The following C11orf42 variants were observed in gnomAD, a reference collection of about 807,000 sequenced individuals.
C11orf42 encodes uncharacterized protein C11orf42.
A neutral mutation model predicts 27.9 loss-of-function variants in C11orf42; 24 were observed. That is an observed-to-expected ratio of 0.86 (90% CI 0.62 to 1.21). The LOEUF (loss-of-function observed/expected upper bound fraction) is 1.21, where lower values mean the gene tolerates loss of function less well. C11orf42 is among the 50% of genes most tolerant of loss of function. The pLI is 0.00. For synonymous variants in C11orf42, 187 were observed against 180.8 expected (o/e 1.03, Z -0.28); for missense variants, 455 against 424.1 (o/e 1.07, Z -0.64).
Position 6,209,980 on chromosome 11 carries a change from G to C in C11orf42, c.203G>C (p.Arg68Pro). Residue 68 changes from arginine to proline, a missense_variant, in exon 2 of 3, where the codon CGG becomes CCG. Physicochemically the swap from Arg to Pro is moderately radical, Grantham distance 103. Transcript: ENST00000316375. The stretch of plus-strand genomic sequence containing the variant: ...CATACCCGCCTGGCTTTGCCAGGTC[G>C]GCAGGGCCGGAGGGCACTGAAACCA... The part of the protein sequence containing the change: ...PAHTRLALPG[R>P]QGRRALKPVG... 6.2e-7 allele frequency: 1 copy of C among 1,613,638 alleles called. No homozygotes were observed.
intron 1 of C11orf42, among the ~76,000 whole-genome samples, chr11:6,207,279 G>A (rs1846989568): frequency 6.6e-6 from 1 of 152,188 alleles, no homozygotes; most frequent in Non-Finnish European, 1.5e-5. Flanking sequence ...GTTAAGGAGG[G>A]TTAGAATTAG....
chr11:6,210,355 T>C lies in C11orf42; in HGVS notation c.578T>C (p.Val193Ala), dbSNP rs367734263. Residue 193 changes from valine to alanine, a missense_variant, in exon 2 of 3, where the codon GTT becomes GCT. By Grantham distance (64) the Val-to-Ala change is moderately conservative. Transcript: ENST00000316375. This position sits in a 1 kb window ranked among gnomAD's most constrained non-coding sequence, Gnocchi z 4.0. ...CTCCGGCTACTTCGGTCATTACCTG[T>C]TGCCTTCTCCTGCCTCAAGTTTTCA... Reference protein sequence around the residue: ...QLLRLLRSLPVAFSCLKFSLQ... With the variant: ...QLLRLLRSLPAAFSCLKFSLQ... 6.2e-6 allele frequency: 10 copies of C among 1,614,080 alleles called. No individual in the cohort carries two copies. The highest frequency in any genetic ancestry group is 8.5e-6 in the Non-Finnish European group (10 of 1,180,042).
At position 6,210,678 on chromosome 11, in the gene C11orf42, G is replaced by C. The variant is rs1847046126; in HGVS notation, c.871+30G>C. 9 of 1,602,786 alleles carry C rather than the reference G, an allele frequency of 5.6e-6. No homozygotes were observed. The highest frequency in any genetic ancestry group is 7.7e-6 in the Non-Finnish European group (9 of 1,172,450). On this transcript the variant is annotated intron_variant, in intron 2 of 2. Transcript: ENST00000316375. The surrounding 1 kb of genome is among the most constrained non-coding windows in gnomAD (Gnocchi z 4.0). Reference sequence around the variant, plus strand: ...TACTAGGGGAAATGATGATGAGATGGATGGGAGGGACAAAGTGAAGGAGGG... The same window carrying C: ...TACTAGGGGAAATGATGATGAGATGCATGGGAGGGACAAAGTGAAGGAGGG...
At chr11:6,208,776 A>G (rs1191650720) in intron 1 of C11orf42, among the ~76,000 whole-genome samples, 1 of 152,114 alleles carries the variant, frequency 6.6e-6, no homozygotes, top group Admixed American at 6.5e-5. Context: ...TACTAATTCT[A>G]TAACCTAAAT....
In C11orf42 at chr11:6,210,113, G is replaced by C; in HGVS notation, c.336G>C (p.Glu112Asp). The C allele has an allele frequency of 6.2e-7, 1 of 1,614,218 alleles. No individual in the cohort carries two copies. Among genetic ancestry groups the C allele is most frequent in the Non-Finnish European group, 8.5e-7 (1 of 1,180,046 alleles). Residue 112 changes from glutamate to aspartate, a missense_variant, in exon 2 of 3, where the codon GAG (glutamate) becomes GAC (aspartate). Transcript: ENST00000316375. The surrounding 1 kb of genome is among the most constrained non-coding windows in gnomAD (Gnocchi z 4.0). ...GCCGAGCAGAGAGAGCCTATGAAGAGACGCGAATGTTGGATGGACAGCCCT... is the reference window on the plus strand; with the variant it reads ...GCCGAGCAGAGAGAGCCTATGAAGACACGCGAATGTTGGATGGACAGCCCT... ...PNGRAERAYE[E>D]TRMLDGQPCK...
rs1160911619 is a variant in C11orf42, at chr11:6,210,368, C to T, written c.591C>T (p.Cys197=). ...LLRSLPVAFS[C]LKFSLQSKGV... Reference sequence around the variant, plus strand: ...GGTCATTACCTGTTGCCTTCTCCTGCCTCAAGTTTTCACTGCAGTCTAAGG... The same window carrying T: ...GGTCATTACCTGTTGCCTTCTCCTGTCTCAAGTTTTCACTGCAGTCTAAGG... Residue 197 remains cysteine (C), a synonymous_variant, in exon 2 of 3, where the codon TGC becomes TGT. Coordinates refer to ENST00000316375, the MANE Select transcript of C11orf42 (RefSeq NM_173525.3). The surrounding 1 kb of genome is among the most constrained non-coding windows in gnomAD (Gnocchi z 4.0). 6.2e-7 allele frequency: 1 copy of T among 1,614,214 alleles called. No homozygotes were observed. The highest frequency in any genetic ancestry group is 1.1e-5 in the South Asian group (1 of 91,084).
chr11:6,207,405 A>T (rs1846991164), intron 1 of C11orf42, among the ~76,000 whole-genome samples: 1 of 152,190 alleles, frequency 6.6e-6, no homozygotes, highest in African/African-American at 2.4e-5. Context: ...AGATATATTA[A>T]ATGTCACACT....
intron 1 of C11orf42, among the ~76,000 whole-genome samples, chr11:6,208,263 CATT>C (rs1847002060): frequency 6.6e-6 from 1 of 152,024 alleles, no homozygotes; most frequent in South Asian, 2.1e-4. Context: ...CCGTAACTAA[CATT>C]ATAAAGATGA....
chr11:6,208,312 C>T (rs145379905), intron 1 of C11orf42, among the ~76,000 whole-genome samples: 205 of 152,214 alleles, frequency 1.3e-3, no homozygotes, highest in Middle Eastern at 6.8e-3. Flanking sequence ...CCCCTTGCAG[C>T]TAGGGTAGAA....
Position 6,208,472 on chromosome 11 carries a change from T to C in C11orf42, c.73-1378T>C, listed in dbSNP as rs550390342. Among the ~76,000 whole-genome samples the C allele has an allele frequency of 3.9e-5, 6 of 152,320 alleles. No individual in the cohort carries two copies. The South Asian group carries it at 1.0e-3, about 26-fold the overall frequency. On this transcript the variant is annotated intron_variant, in intron 1 of 2. Transcript: ENST00000316375. ...TTCTTTTCTCTTTTTCTTGAGACTC[T>C]GTGGAGTGCAGTGGTGCCATCTCGG... is the stretch of plus-strand genomic sequence containing the variant.
At position 6,211,024 on chromosome 11, in the gene C11orf42, G is replaced by A; in HGVS notation, c.984G>A (p.Glu328=). The A allele has an allele frequency of 1.2e-6, 2 of 1,610,884 alleles. No individual in the cohort carries two copies. Among genetic ancestry groups the A allele is most frequent in the African/African-American group, 1.3e-5 (1 of 74,716 alleles). The change falls in exon 3 of 3, where the codon GAG becomes GAA. Residue 328 remains glutamate (E), a synonymous_variant. Coordinates refer to ENST00000316375, the MANE Select transcript of C11orf42 (RefSeq NM_173525.3). The part of the protein sequence containing the change: ...SLPLLQGLSS[E]FDSDD ...CCCTGCTGCAGGGTCTATCCTCAGAGTTCGACAGTGACGACTGAAGCTGAA... is the reference window on the plus strand; with the variant it reads ...CCCTGCTGCAGGGTCTATCCTCAGAATTCGACAGTGACGACTGAAGCTGAA...
In C11orf42 at chr11:6,210,170, C is replaced by T. The variant is rs550367485; in HGVS notation, c.393C>T (p.Arg131=). 1.1e-4 allele frequency: 172 copies of T among 1,614,210 alleles called. No individual in the cohort carries two copies. The South Asian group carries it at 1.7e-3, about 16-fold the overall frequency. The change falls in exon 2 of 3, where the codon CGC becomes CGT. Residue 131 remains arginine, a synonymous_variant. Transcript: ENST00000316375. The surrounding 1 kb of genome is among the most constrained non-coding windows in gnomAD (Gnocchi z 4.0). ...CKIRLHMGDL[R]KKVAFLLLPP... ...TCCGCCTACATATGGGTGACCTGCG[C>T]AAGAAGGTTGCCTTCCTGTTGCTGC...
At chr11:6,206,878 G>A (rs950934199) in intron 1 of C11orf42, among the ~76,000 whole-genome samples, 3 of 152,210 alleles carry the variant, frequency 2.0e-5, no homozygotes, top group African/African-American at 7.2e-5. Flanking sequence ...GTAGAGATAT[G>A]CAGGATAAAT....
chr11:6,206,368 C>A (rs1284998519), intron 1 of C11orf42, among the ~76,000 whole-genome samples: 1 of 152,140 alleles, frequency 6.6e-6, no homozygotes, highest in Non-Finnish European at 1.5e-5. Flanking sequence ...GATTTTGAGG[C>A]AAATTTGTAT....
rs937935625 is a variant in C11orf42, at chr11:6,210,396, G to A, written c.619G>A (p.Val207Met). 23 of 1,614,186 alleles carry A rather than the reference G, an allele frequency of 1.4e-5. No individual in the cohort carries two copies. Among genetic ancestry groups the A allele is most frequent in the Middle Eastern group, 3.3e-4 (2 of 6,062 alleles). Reference sequence around the variant, plus strand: ...CAAGTTTTCACTGCAGTCTAAGGGCGTGCTGGGACCACAGAAGCCTCTCAC... The same window carrying A: ...CAAGTTTTCACTGCAGTCTAAGGGCATGCTGGGACCACAGAAGCCTCTCAC... The part of the protein sequence containing the change: ...CLKFSLQSKG[V>M]LGPQKPLTKD... The change falls in exon 2 of 3, where the codon GTG (valine) becomes ATG (methionine). Residue 207 changes from valine (V) to methionine (M), a missense_variant. Transcript: ENST00000316375. The surrounding 1 kb of genome is among the most constrained non-coding windows in gnomAD (Gnocchi z 4.0).
In C11orf42 at chr11:6,211,045, C is replaced by T. The variant is rs777805584; in HGVS notation, c.*3C>T. On this transcript the variant is annotated 3_prime_UTR_variant, in exon 3 of 3. Coordinates refer to ENST00000316375, the MANE Select transcript of C11orf42 (RefSeq NM_173525.3). ...CAGAGTTCGACAGTGACGACTGAAG[C>T]TGAAGCAAAAGATTCCGGGGGCAAA... 6.2e-7 allele frequency: 1 copy of T among 1,610,156 alleles called. No homozygotes were observed. The highest frequency in any genetic ancestry group is 1.1e-5 in the South Asian group (1 of 90,728).
rs375703675 is a variant in C11orf42 at position 6,209,964 on chromosome 11, C to G, written c.187C>G (p.Leu63Val). 6.8e-6 allele frequency: 11 copies of G among 1,613,340 alleles called. No individual in the cohort carries two copies. The highest frequency in any genetic ancestry group is 9.3e-6 in the Non-Finnish European group (11 of 1,179,380). ...ACAGTCCCGCCCAGCCCATACCCGC[C>G]TGGCTTTGCCAGGTCGGCAGGGCCG... ...VKQSRPAHTR[L>V]ALPGRQGRRA... Residue 63 changes from leucine (L) to valine (V), a missense_variant, in exon 2 of 3, where the codon CTG (leucine) becomes GTG (valine). By Grantham distance (32) the Leu-to-Val change is conservative. Coordinates refer to ENST00000316375, the MANE Select transcript of C11orf42 (RefSeq NM_173525.3).
Position 6,211,032 on chromosome 11 carries a change from G to A in C11orf42, c.992G>A (p.Ser331Asn), listed in dbSNP as rs1847058781. The change falls in exon 3 of 3, where the codon AGT becomes AAT. Residue 331 changes from serine (S) to asparagine (N), a missense_variant. Ser to Asn is a conservative substitution (Grantham distance 46). Coordinates refer to ENST00000316375, the MANE Select transcript of C11orf42 (RefSeq NM_173525.3). ...LLQGLSSEFD[S>N]DD ...CAGGGTCTATCCTCAGAGTTCGACAGTGACGACTGAAGCTGAAGCAAAAGA... is the reference window on the plus strand; with the variant it reads ...CAGGGTCTATCCTCAGAGTTCGACAATGACGACTGAAGCTGAAGCAAAAGA... The A allele has an allele frequency of 1.9e-6, 3 of 1,610,684 alleles. No homozygotes were observed. The African/African-American group carries it at 4.0e-5, about 22-fold the overall frequency.
rs1847046790 is a variant in C11orf42 at position 6,210,703 on chromosome 11, G to A, written c.871+55G>A. On this transcript the variant is annotated intron_variant, in intron 2 of 2. Transcript: ENST00000316375. The surrounding 1 kb of genome is among the most constrained non-coding windows in gnomAD (Gnocchi z 4.0). The stretch of plus-strand genomic sequence containing the variant: ...GATGGGAGGGACAAAGTGAAGGAGG[G>A]AGAAGGCATGAGAATTAAGTATGTG... 3.2e-6 allele frequency: 5 copies of A among 1,553,396 alleles called. No homozygotes were observed. The Admixed American group carries it at 5.4e-5, about 17-fold the overall frequency.
Sources: gnomAD v4.1 joint callset for allele counts (sites outside exome capture counted in the v4.1 genomes callset) on GRCh38, gnomAD v4.1.1 for gene constraint, Gnocchi (gnomAD v3.1) non-coding constraint, MANE v1.5 for transcripts, NCBI Gene and HGNC (gene_info 2026-07-23, HGNC 2026-07-21) for gene names.